KCNIP4: variants seen among roughly 807,000 people sequenced by gnomAD.
KCNIP4 encodes Kv channel-interacting protein 4.
In KCNIP4, 12 loss-of-function variants were observed where a neutral mutation model predicts 34.0. The ratio of observed to expected loss-of-function variants is 0.35; its 90% CI spans 0.23 to 0.57. The LOEUF is 0.57. Among genes scored for constraint, KCNIP4 ranks in the 20% least tolerant of loss-of-function variants. The pLI is 0.83. For missense variants in KCNIP4, 238 were observed against 311.7 expected (o/e 0.76, Z 1.78); for synonymous variants, 124 against 102.2 (o/e 1.21, Z -1.29).
intron 1 of KCNIP4, among the ~76,000 whole-genome samples, chr4:21,548,397 A>T (rs1738306018): frequency 6.6e-6 from 1 of 152,152 alleles, no homozygotes; most frequent in Non-Finnish European, 1.5e-5. Flanking sequence ...GACCACTGGG[A>T]TGGGAAGAAC....
intron 1 of KCNIP4, among the ~76,000 whole-genome samples, chr4:21,291,926 AGAAAGAAAG>A (rs1401211603): frequency 8.5e-5 from 8 of 94,000 alleles, no homozygotes; most frequent in African/African-American, 3.6e-4. Flanking sequence ...AAAGAAAGAA[AGAAAGAAAG>A]AAAAAAAAAG....
At position 21,174,171 on chromosome 4, in the gene KCNIP4, A is replaced by G. The variant is rs1169526079; in HGVS notation, c.62-291462T>C. Among the ~76,000 whole-genome samples, 5 of 152,216 alleles carry G rather than the reference A, an allele frequency of 3.3e-5. No individual in the cohort carries two copies. In the East Asian group the frequency reaches 9.6e-4, roughly 29 times the overall value. ...GCCTCTCATTTGAACACCCACATTT[A>G]AAAAAACTTGGGAAGAAAATAATGG... On this transcript the variant is annotated intron_variant, in intron 1 of 8. Coordinates refer to ENST00000382152, the MANE Select transcript of KCNIP4 (RefSeq NM_025221.6).
chr4:21,775,648 T>C (rs1368200932), intron 1 of KCNIP4, among the ~76,000 whole-genome samples: 3 of 152,150 alleles, frequency 2.0e-5, no homozygotes, highest in African/African-American at 7.2e-5. Flanking sequence ...ATTCTGTCCC[T>C]GAGCCTCTGG....
intron 1 of KCNIP4, among the ~76,000 whole-genome samples, chr4:21,603,198 T>C (rs892533203): frequency 2.0e-5 from 3 of 152,190 alleles, no homozygotes; most frequent in Admixed American, 6.5e-5. Flanking sequence ...ACTTTGCAGT[T>C]GCTCTAGTTT....
intron 1 of KCNIP4, among the ~76,000 whole-genome samples, chr4:21,496,605 G>A (rs1029853787): frequency 2.6e-5 from 4 of 152,120 alleles, no homozygotes; most frequent in African/African-American, 9.7e-5. Flanking sequence ...TATTTCAGTA[G>A]CCTCCCATTG....
intron 4 of KCNIP4, among the ~76,000 whole-genome samples, chr4:20,755,640 G>A (rs940832621): frequency 7.2e-5 from 11 of 152,074 alleles, no homozygotes; most frequent in Non-Finnish European, 4.4e-5. Context: ...CTCGAGTGCC[G>A]AAAAGAGACA....
chr4:21,308,211 G>T (rs1712702003), intron 1 of KCNIP4, among the ~76,000 whole-genome samples: 1 of 152,130 alleles, frequency 6.6e-6, no homozygotes, highest in South Asian at 2.1e-4. Flanking sequence ...CCAAATCTTT[G>T]TCCTCGTTTG....
chr4:21,741,934 G>C (rs542611032), intron 1 of KCNIP4, among the ~76,000 whole-genome samples: 28 of 152,222 alleles, frequency 1.8e-4, no homozygotes, highest in African/African-American at 6.5e-4. Flanking sequence ...CTACTCGGGA[G>C]GATAAGGCAG....
chr4:21,769,597 A>G (rs1162306306), intron 1 of KCNIP4, among the ~76,000 whole-genome samples: 4 of 152,114 alleles, frequency 2.6e-5, no homozygotes, highest in African/African-American at 9.7e-5. Context: ...AGAAGATTTT[A>G]TCTAGATATT....
intron 1 of KCNIP4, among the ~76,000 whole-genome samples, chr4:21,715,386 T>TC (rs960558059): frequency 2.0e-5 from 3 of 152,082 alleles, no homozygotes; most frequent in Admixed American, 6.5e-5. Flanking sequence ...CACCTTGGCC[T>TC]CCCAAAGTGC....
chr4:21,489,445 A>T (rs1364934613), intron 1 of KCNIP4, among the ~76,000 whole-genome samples: 2 of 152,110 alleles, frequency 1.3e-5, no homozygotes, highest in African/African-American at 4.8e-5. Context: ...CTGCAATCAT[A>T]GGTAATTCAG....
chr4:21,799,152 A>G (rs1369797089), intron 1 of KCNIP4, among the ~76,000 whole-genome samples: 1 of 152,150 alleles, frequency 6.6e-6, no homozygotes, highest in Non-Finnish European at 1.5e-5. Flanking sequence ...CTATTTACAG[A>G]GCTCTTACTA....
intron 1 of KCNIP4, among the ~76,000 whole-genome samples, chr4:21,330,065 TTAGTC>T (rs1578086348): frequency 6.6e-6 from 1 of 152,154 alleles, no homozygotes; most frequent in African/African-American, 2.4e-5. Flanking sequence ...ACCTTCCTCT[TTAGTC>T]TAGTATATCT....
intron 1 of KCNIP4, among the ~76,000 whole-genome samples, chr4:21,417,763 A>T (rs997813453): frequency 6.6e-6 from 1 of 152,166 alleles, no homozygotes; most frequent in African/African-American, 2.4e-5. Context: ...TTGCTCACAG[A>T]TAATAAGGGA....
chr4:20,966,399 C>G (rs968520727), intron 1 of KCNIP4, among the ~76,000 whole-genome samples: 5 of 152,106 alleles, frequency 3.3e-5, no homozygotes, highest in African/African-American at 1.2e-4. Flanking sequence ...AATGTACTAT[C>G]CTGATCTTAC....
At chr4:20,760,771 C>T (rs952131463) in intron 3 of KCNIP4, among the ~76,000 whole-genome samples, 2 of 151,894 alleles carry the variant, frequency 1.3e-5, no homozygotes, top group Non-Finnish European at 2.9e-5. Context: ...ATTAGATGAC[C>T]CCTGTGGAAA....
intron 1 of KCNIP4, among the ~76,000 whole-genome samples, chr4:20,920,719 C>T (rs1228093336): frequency 6.6e-6 from 1 of 152,136 alleles, no homozygotes; most frequent in Admixed American, 6.5e-5. Context: ...GGGCCGGGCA[C>T]GGTGGCTCAC....
At chr4:20,833,314 G>A (rs188444891) in intron 3 of KCNIP4, among the ~76,000 whole-genome samples, 27 of 151,848 alleles carry the variant, frequency 1.8e-4, no homozygotes, top group African/African-American at 5.3e-4. Context: ...GTGAAACCCC[G>A]TCTCTACTAA....
intron 1 of KCNIP4, among the ~76,000 whole-genome samples, chr4:21,196,163 A>G (rs1459487285): frequency 6.6e-6 from 1 of 152,194 alleles, no homozygotes; most frequent in Non-Finnish European, 1.5e-5. Flanking sequence ...TTAGTCCACA[A>G]GCTATTTTAG....
Sources: gnomAD v4.1 joint callset for allele counts (sites outside exome capture counted in the v4.1 genomes callset) on GRCh38, gnomAD v4.1.1 for gene constraint, MANE v1.5 for transcripts, NCBI Gene and HGNC (gene_info 2026-07-23, HGNC 2026-07-21) for gene names.